TRHDE: variants seen among roughly 807,000 people sequenced by gnomAD.
TRHDE encodes thyrotropin releasing hormone degrading enzyme.
TRHDE carries 72 observed loss-of-function variants against 125.7 expected under a neutral mutation model. The ratio of observed to expected loss-of-function variants is 0.57; its 90% CI spans 0.47 to 0.70. TRHDE has a LOEUF of 0.70. Among genes scored for constraint, TRHDE ranks in the 30% least tolerant of loss-of-function variants. The probability of loss-of-function intolerance (pLI) is 0.00; values close to 1 mark genes in which losing one functional copy is unlikely to be tolerated. For missense variants in TRHDE, 1,110 were observed against 1,327.1 expected, an observed-to-expected ratio of 0.84 and a Z score of 2.54; for synonymous variants, 509 against 509.1, an observed-to-expected ratio of 1.00 and a Z score of 0.00.
intron 10 of TRHDE, among the ~76,000 whole-genome samples, chr12:72,569,062 A>G (rs548296101): frequency 6.6e-6 from 1 of 152,216 alleles, no homozygotes; most frequent in South Asian, 2.1e-4. Context: ...TTAAAAGGTG[A>G]GAGAGGCAAT....
chr12:72,259,206 T>C (rs190962529), intron 2 of TRHDE, among the ~76,000 whole-genome samples: 1 of 152,284 alleles, frequency 6.6e-6, no homozygotes, highest in African/African-American at 2.4e-5. Context: ...CATTTATCTA[T>C]TTACTTACTA....
intron 9 of TRHDE, among the ~76,000 whole-genome samples, chr12:72,565,302 C>G (rs543111863): frequency 1.4e-4 from 21 of 152,228 alleles, no homozygotes; most frequent in Admixed American, 1.0e-3. Context: ...TTTGTCTTTT[C>G]ATTTTTCTAA....
intron 12 of TRHDE, among the ~76,000 whole-genome samples, chr12:72,585,477 C>T (rs1871402203): frequency 6.6e-6 from 1 of 152,226 alleles, no homozygotes; most frequent in Admixed American, 6.5e-5. Flanking sequence ...CTCTATACTA[C>T]CTTACAATCC....
intron 2 of TRHDE, among the ~76,000 whole-genome samples, chr12:72,356,426 A>T (rs1405223439): frequency 6.6e-6 from 1 of 151,456 alleles, no homozygotes; most frequent in Non-Finnish European, 1.5e-5. Context: ...AAAGATAACT[A>T]ATGGGTACTA....
chr12:72,129,777 G>T (rs1246914790), intron 2 of TRHDE, among the ~76,000 whole-genome samples: 1 of 152,082 alleles, frequency 6.6e-6, no homozygotes, highest in African/African-American at 2.4e-5. Flanking sequence ...ACCCAAGAGA[G>T]GTCAGTAAGA....
At chr12:72,349,100 T>G (rs909990537) in intron 2 of TRHDE, among the ~76,000 whole-genome samples, 1 of 152,076 alleles carries the variant, frequency 6.6e-6, no homozygotes, top group Non-Finnish European at 1.5e-5. Flanking sequence ...TCCTGTTTCA[T>G]TTCTACTGTG....
chr12:72,521,511 G>A (rs1028480572), intron 6 of TRHDE, among the ~76,000 whole-genome samples: 6 of 152,182 alleles, frequency 3.9e-5, no homozygotes, highest in African/African-American at 1.4e-4. Context: ...GCACATCCAA[G>A]CAAACCAACT....
rs78279393 is a variant in TRHDE at position 72,627,717 on chromosome 12, G to A, written c.2675+5966G>A. On this transcript the variant is annotated intron_variant, in intron 15 of 18. Coordinates refer to ENST00000261180, the MANE Select transcript of TRHDE (RefSeq NM_013381.3). Reference sequence around the variant, plus strand: ...TCTTTTTTTAAAAAAACGAGATCTCGTTCTATTATCCAAGTGCAGTGGCAC... The same window carrying A: ...TCTTTTTTTAAAAAAACGAGATCTCATTCTATTATCCAAGTGCAGTGGCAC... 2.2e-3 allele frequency among the ~76,000 whole-genome samples: 335 copies of A among 151,706 alleles called. 2 individuals carry two copies. Among genetic ancestry groups the A allele is most frequent in the South Asian group, 5.2e-3 (25 of 4,814 alleles).
chr12:72,614,330 A>ATATATAT (rs531067163), intron 12 of TRHDE, among the ~76,000 whole-genome samples: 3 of 129,858 alleles, frequency 2.3e-5, no homozygotes, highest in African/African-American at 9.2e-5. Flanking sequence ...ATATATATAT[A>ATATATAT]TTTTTTTTTT....
intron 2 of TRHDE, among the ~76,000 whole-genome samples, chr12:72,142,673 A>G (rs1201759877): frequency 1.3e-5 from 2 of 152,154 alleles, no homozygotes; most frequent in African/African-American, 4.8e-5. Flanking sequence ...CTGCACCCAT[A>G]TAAACCCCCA....
intron 2 of TRHDE, among the ~76,000 whole-genome samples, chr12:72,206,550 A>C (rs781704557): frequency 2.6e-5 from 4 of 152,196 alleles, no homozygotes; most frequent in Non-Finnish European, 5.9e-5. Flanking sequence ...TCCTGTTAGC[A>C]GGTTATCTAT....
chr12:72,406,286 G>A (rs1357528916), intron 3 of TRHDE, among the ~76,000 whole-genome samples: 1 of 152,092 alleles, frequency 6.6e-6, no homozygotes. Flanking sequence ...GCTTCCAGGG[G>A]AATTGTGTAG....
chr12:72,174,057 G>A (rs1476027010), intron 2 of TRHDE, among the ~76,000 whole-genome samples: 1 of 152,152 alleles, frequency 6.6e-6, no homozygotes, highest in Non-Finnish European at 1.5e-5. Flanking sequence ...CTTGGACACA[G>A]AATATTAAAC....
At position 72,451,578 on chromosome 12, in the gene TRHDE, T is replaced by G. The variant is rs28882758; in HGVS notation, c.1316-18180T>G. ...CAGTGTGATGCCTCTGGCTTTGTTT[T>G]TTGTTGTTGTTGTTGTTGTTGTTCA... On this transcript the variant is annotated intron_variant, in intron 3 of 18. Transcript: ENST00000261180. Among the ~76,000 whole-genome samples the G allele has an allele frequency of 9.9e-5, 15 of 151,946 alleles. No individual in the cohort carries two copies. In the East Asian group the frequency reaches 2.7e-3, roughly 27 times the overall value.
At chr12:72,427,254 GC>G (rs1383406852) in intron 3 of TRHDE, among the ~76,000 whole-genome samples, 4 of 152,016 alleles carry the variant, frequency 2.6e-5, no homozygotes, top group Admixed American at 2.6e-4. Context: ...TTTCTGATTT[GC>G]GTATGTGTGC....
chr12:72,461,109 C>T (rs774817685), intron 3 of TRHDE, among the ~76,000 whole-genome samples: 4 of 152,106 alleles, frequency 2.6e-5, no homozygotes, highest in African/African-American at 7.2e-5. Flanking sequence ...GCTAGAAGTT[C>T]GAGAACTTGT....
intron 2 of TRHDE, among the ~76,000 whole-genome samples, chr12:72,170,790 A>G (rs886955212): frequency 2.6e-5 from 4 of 152,188 alleles, no homozygotes; most frequent in African/African-American, 9.6e-5. Context: ...AAGGTAAAGC[A>G]TTATATATGT....
At chr12:72,640,725 C>T (rs2136099431) in intron 15 of TRHDE, among the ~76,000 whole-genome samples, 1 of 152,286 alleles carries the variant, frequency 6.6e-6, no homozygotes, top group Non-Finnish European at 1.5e-5. Flanking sequence ...CGGAGCTGTT[C>T]CTATTTGGCC....
At chr12:72,144,393 A>G (rs779702648) in intron 2 of TRHDE, among the ~76,000 whole-genome samples, 2 of 152,224 alleles carry the variant, frequency 1.3e-5, no homozygotes, top group African/African-American at 4.8e-5. Context: ...TGTTTTTGAC[A>G]ATGTCCTAGG....
Sources: allele counts gnomAD v4.1 joint callset (sites outside exome capture counted in the v4.1 genomes callset), GRCh38; gene constraint gnomAD v4.1.1; transcripts MANE v1.5; gene names NCBI Gene and HGNC (gene_info 2026-07-23, HGNC 2026-07-21).